Variants in MIB1 observed in about 807,000 individuals in gnomAD.
MIB1 encodes the protein MIB E3 ubiquitin protein ligase 1, also known as E3 ubiquitin-protein ligase MIB1.
Under a neutral mutation model 124.5 loss-of-function variants are expected in MIB1, and 278 were observed. The ratio of observed to expected loss-of-function variants is 2.23; its 90% CI spans 2.02 to 2.47. The LOEUF (loss-of-function observed/expected upper bound fraction) is 2.47, where lower values mean the gene tolerates loss of function less well. Ranked by LOEUF, MIB1 falls within the 30% of genes most tolerant of loss-of-function variation. The pLI is 0.00. For synonymous variants in MIB1, 446 were observed against 429.4 expected (o/e 1.04, Z -0.48); for missense variants, 957 against 1,254.4 (o/e 0.76, Z 3.58).
At chr18:21,799,297 A>G (rs900381916) in intron 8 of MIB1, among the ~76,000 whole-genome samples, 4 of 152,090 alleles carry the variant, frequency 2.6e-5, no homozygotes, top group Non-Finnish European at 4.4e-5. Flanking sequence ...TGTTTTTGTC[A>G]AAACCAATCA....
chr18:21,860,704 C>T (rs914696583), intron 20 of MIB1, among the ~76,000 whole-genome samples: 5 of 152,038 alleles, frequency 3.3e-5, no homozygotes, highest in Non-Finnish European at 5.9e-5. Context: ...CAGTAGTTAG[C>T]GGCCCAGGAT....
chr18:21,720,797 A>T (rs1200211959), intron 1 of MIB1, among the ~76,000 whole-genome samples: 1 of 152,096 alleles, frequency 6.6e-6, no homozygotes. Context: ...AAAAATAAGA[A>T]ATAAAAAATT....
intron 6 of MIB1, among the ~76,000 whole-genome samples, chr18:21,786,168 C>G (rs910695202): frequency 6.6e-5 from 10 of 152,066 alleles, no homozygotes; most frequent in African/African-American, 2.4e-4. Flanking sequence ...ACGATCTCGG[C>G]TCACTGCAAG....
Position 21,816,890 on chromosome 18 carries a change from T to C in MIB1, c.1677+1077T>C, listed in dbSNP as rs1307541462. 3.3e-5 allele frequency among the ~76,000 whole-genome samples: 5 copies of C among 151,752 alleles called. No individual in the cohort carries two copies. In the East Asian group the frequency reaches 7.8e-4, roughly 24 times the overall value. On this transcript the variant is annotated intron_variant, in intron 11 of 20. Coordinates refer to ENST00000261537, the MANE Select transcript of MIB1 (RefSeq NM_020774.4). ...GCAGGATTGGAGGATGAGGGAAGAATTGGGGGGGTGTTAATCTGTAAGGAG... is the reference window on the plus strand; with the variant it reads ...GCAGGATTGGAGGATGAGGGAAGAACTGGGGGGGTGTTAATCTGTAAGGAG...
rs144652547 is a variant in MIB1 at position 21,803,945 on chromosome 18, T to C, written c.1410T>C (p.Ala470=). 4.3e-6 allele frequency: 7 copies of C among 1,613,736 alleles called. No individual in the cohort carries two copies. The African/African-American group carries it at 6.7e-5, about 15-fold the overall frequency. Residue 470 remains alanine, a synonymous_variant, in exon 10 of 21, where the codon GCT becomes GCC. Coordinates refer to ENST00000261537, the MANE Select transcript of MIB1 (RefSeq NM_020774.4). ...GTGCTGGCCACACAGCTATGCAAGC[T>C]GCTAGTCAGAATGGACATGTTGACA... The part of the protein sequence containing the change: ...GQCAGHTAMQ[A]ASQNGHVDIL...
chr18:21,707,284 G>A (rs771264557), intron 1 of MIB1, among the ~76,000 whole-genome samples: 10 of 152,162 alleles, frequency 6.6e-5, no homozygotes, highest in South Asian at 2.1e-4. Flanking sequence ...CTAGCTCAGC[G>A]ATTGTAAATG....
intron 1 of MIB1, among the ~76,000 whole-genome samples, chr18:21,714,654 C>T (rs1204439462): frequency 1.3e-5 from 2 of 152,150 alleles, no homozygotes; most frequent in African/African-American, 2.4e-5. Context: ...GGAAATGACA[C>T]TGAAATTTCT....
chr18:21,859,275 C>T (rs989145246), intron 20 of MIB1, among the ~76,000 whole-genome samples: 2 of 151,706 alleles, frequency 1.3e-5, no homozygotes, highest in African/African-American at 4.8e-5. Context: ...GTGTGGTGAC[C>T]TCCCAACTAC....
At chr18:21,710,159 C>T (rs1224571268) in intron 1 of MIB1, among the ~76,000 whole-genome samples, 5 of 149,832 alleles carry the variant, frequency 3.3e-5, no homozygotes, top group African/African-American at 1.2e-4. Flanking sequence ...CTCTCTCTGT[C>T]GCCCAGGCTG....
chr18:21,766,290 A>G (rs1411546327), intron 2 of MIB1, among the ~76,000 whole-genome samples: 8 of 152,228 alleles, frequency 5.3e-5, no homozygotes, highest in Admixed American at 4.6e-4. Flanking sequence ...GATGAATGGT[A>G]GGGCTCATTG....
chr18:21,711,337 A>C (rs2040664756), intron 1 of MIB1, among the ~76,000 whole-genome samples: 1 of 152,058 alleles, frequency 6.6e-6, no homozygotes, highest in Admixed American at 6.6e-5. Flanking sequence ...GCTGGAGTGC[A>C]GTAGTGCAAT....
rs867127333 is a variant in MIB1, at chr18:21,751,516, C to T, written c.229+9704C>T. Among the ~76,000 whole-genome samples, 25 of 152,218 alleles carry T rather than the reference C, an allele frequency of 1.6e-4. 1 individual carries two copies. In the South Asian group the frequency reaches 5.0e-3, roughly 30 times the overall value. On this transcript the variant is annotated intron_variant, in intron 1 of 20. Transcript: ENST00000261537. ...GACCTCAAGTGATCATCCACCTCTGCCTCCCAAAGTGCTGGGATTACAGGC... is the reference window on the plus strand; with the variant it reads ...GACCTCAAGTGATCATCCACCTCTGTCTCCCAAAGTGCTGGGATTACAGGC...
chr18:21,719,768 T>C (rs2040706471), intron 1 of MIB1, among the ~76,000 whole-genome samples: 1 of 152,066 alleles, frequency 6.6e-6, no homozygotes, highest in African/African-American at 2.4e-5. Flanking sequence ...TTTTTTACTT[T>C]TTTCTAAAAA....
chr18:21,844,675 C>T (rs139425031), intron 15 of MIB1, among the ~76,000 whole-genome samples: 79 of 152,298 alleles, frequency 5.2e-4, no homozygotes, highest in African/African-American at 1.9e-3. Flanking sequence ...GTGATCCACC[C>T]GCCTCGGTCT....
intron 1 of MIB1, among the ~76,000 whole-genome samples, chr18:21,719,665 G>A (rs1030562953): frequency 4.7e-5 from 7 of 150,096 alleles, no homozygotes; most frequent in Non-Finnish European, 8.9e-5. Context: ...CACCACATTG[G>A]CCAGGCTGGT....
chr18:21,786,800 T>C (rs909338021), intron 6 of MIB1, among the ~76,000 whole-genome samples: 1 of 152,234 alleles, frequency 6.6e-6, no homozygotes, highest in Non-Finnish European at 1.5e-5. Context: ...GAAAACATCA[T>C]TTCCATCTCT....
At chr18:21,780,822 C>G (rs1269671997) in intron 6 of MIB1, among the ~76,000 whole-genome samples, 18 of 152,164 alleles carry the variant, frequency 1.2e-4, no homozygotes, top group African/African-American at 4.3e-4. Flanking sequence ...GTGGATAGTG[C>G]TGCAGTAAAC....
chr18:21,784,772 G>C (rs890191850), intron 6 of MIB1, among the ~76,000 whole-genome samples: 1 of 152,318 alleles, frequency 6.6e-6, no homozygotes, highest in African/African-American at 2.4e-5. Context: ...GGTAACGCCA[G>C]TGCCTGGGAA....
Position 21,819,495 on chromosome 18 carries a change from G to C in MIB1, c.1678G>C (p.Asp560His). Residue 560 changes from aspartate (D) to histidine (H), a missense_variant and splice_region_variant, in exon 12 of 21, where the codon GAT becomes CAT. Physicochemically the swap from Asp to His is moderately conservative, Grantham distance 81. Transcript: ENST00000261537. ...AATGAAAATTTCTTTAAACTTAAAG[G>C]ATTCTGAAGGTGATACCCCTCTTCA... ...LDFGCHPSLQ[D>H]SEGDTPLHDA... is the part of the protein sequence containing the mutation. 3 of 1,585,044 alleles carry C rather than the reference G, an allele frequency of 1.9e-6. No homozygotes were observed. Among genetic ancestry groups the C allele is most frequent in the Non-Finnish European group, 1.7e-6 (2 of 1,162,352 alleles).
Sources: allele counts gnomAD v4.1 joint callset (sites outside exome capture counted in the v4.1 genomes callset), GRCh38; gene constraint gnomAD v4.1.1; transcripts MANE v1.5; gene names NCBI Gene and HGNC (gene_info 2026-07-23, HGNC 2026-07-21).